Variants in OPCML observed in about 807,000 individuals in gnomAD.
The protein encoded by OPCML is opioid binding protein/cell adhesion molecule like, also known as opioid-binding protein/cell adhesion molecule.
In OPCML, 13 loss-of-function variants were observed where a neutral mutation model predicts 37.8. The observed-to-expected ratio is 0.34, with a 90% CI of 0.22 to 0.55. The LOEUF is 0.55. OPCML is among the 20% of genes least tolerant of loss of function. The pLI is 0.91. For synonymous variants in OPCML, 176 were observed against 168.8 expected, an observed-to-expected ratio of 1.04 and a Z score of -0.33; for missense variants, 341 against 435.6, an observed-to-expected ratio of 0.78 and a Z score of 1.93.
At chr11:132,684,938 T>A (rs117954958) in intron 2 of OPCML, among the ~76,000 whole-genome samples, 1 of 152,240 alleles carries the variant, frequency 6.6e-6, no homozygotes. Flanking sequence ...TATTTAAAAG[T>A]CAGCATCTCT....
chr11:132,967,721 T>C (rs1415400419), intron 1 of OPCML, among the ~76,000 whole-genome samples: 1 of 152,216 alleles, frequency 6.6e-6, no homozygotes, highest in Non-Finnish European at 1.5e-5. Flanking sequence ...TAATTACTTT[T>C]ATCAGTAATA....
chr11:133,474,836 G>A (rs1475754194), intron 1 of OPCML, among the ~76,000 whole-genome samples: 1 of 152,196 alleles, frequency 6.6e-6, no homozygotes, highest in Non-Finnish European at 1.5e-5. Flanking sequence ...CGGATGTGCT[G>A]GGGCACTGGC....
In OPCML at chr11:132,884,888, A is replaced by G. The variant is rs141635936; in HGVS notation, c.146+58038T>C. 5.4e-3 allele frequency among the ~76,000 whole-genome samples: 819 copies of G among 152,360 alleles called. 11 individuals carry two copies. Among genetic ancestry groups the G allele is most frequent in the African/African-American group, 0.019 (780 of 41,584 alleles). ...ATCATTTAAAAAACTATGGTTTCCCATAGGAGACCGTTGCCAAAAATAAAA... is the reference window on the plus strand; with the variant it reads ...ATCATTTAAAAAACTATGGTTTCCCGTAGGAGACCGTTGCCAAAAATAAAA... On this transcript the variant is annotated intron_variant, in intron 2 of 7. Transcript: ENST00000524381.
At chr11:132,630,442 C>T (rs1292401730) in intron 3 of OPCML, among the ~76,000 whole-genome samples, 1 of 152,070 alleles carries the variant, frequency 6.6e-6, no homozygotes, top group Admixed American at 6.6e-5. Context: ...CCTGTAACCC[C>T]ATTAAAACTG....
At chr11:133,310,960 T>C (rs1943054562) in intron 1 of OPCML, among the ~76,000 whole-genome samples, 1 of 152,216 alleles carries the variant, frequency 6.6e-6, no homozygotes, top group African/African-American at 2.4e-5. Flanking sequence ...CCCCATAACA[T>C]TGCACTATTT....
At chr11:133,283,440 CT>C (rs1240855504) in intron 1 of OPCML, among the ~76,000 whole-genome samples, 1 of 151,720 alleles carries the variant, frequency 6.6e-6, no homozygotes, top group African/African-American at 2.4e-5. Context: ...GCTTAGCTCT[CT>C]GCTGTGATTA....
At chr11:132,571,632 A>G (rs535846501) in intron 3 of OPCML, among the ~76,000 whole-genome samples, 1 of 152,292 alleles carries the variant, frequency 6.6e-6, no homozygotes, top group South Asian at 2.1e-4. Flanking sequence ...GTACTATTCT[A>G]TCATACACAT....
At chr11:132,980,809 G>A (rs543145189) in intron 1 of OPCML, among the ~76,000 whole-genome samples, 22 of 152,218 alleles carry the variant, frequency 1.4e-4, no homozygotes, top group African/African-American at 5.3e-4. Context: ...ATTTCCCTGT[G>A]GGCAAAAAGG....
chr11:133,053,305 T>G (rs1439953256), intron 1 of OPCML, among the ~76,000 whole-genome samples: 1 of 152,232 alleles, frequency 6.6e-6, no homozygotes, highest in Non-Finnish European at 1.5e-5. Flanking sequence ...GCATTGTGAT[T>G]ATGATGATCA....
At chr11:133,368,793 G>A (rs7935141) in intron 1 of OPCML, among the ~76,000 whole-genome samples, 3 of 152,226 alleles carry the variant, frequency 2.0e-5, no homozygotes, top group Admixed American at 6.5e-5. Context: ...CTCCACTTAG[G>A]ATAGGAGCCA....
At chr11:133,403,120 T>G (rs1945443982) in intron 1 of OPCML, among the ~76,000 whole-genome samples, 1 of 152,212 alleles carries the variant, frequency 6.6e-6, no homozygotes, top group Non-Finnish European at 1.5e-5. Flanking sequence ...TTAGATTACT[T>G]AAGTACAAAT....
intron 2 of OPCML, among the ~76,000 whole-genome samples, chr11:132,678,964 G>T (rs1006276761): frequency 6.6e-6 from 1 of 152,110 alleles, no homozygotes; most frequent in Non-Finnish European, 1.5e-5. Flanking sequence ...GGGAGGCTCT[G>T]GGGGAGAGCA....
chr11:132,773,619 G>A (rs906784846), intron 2 of OPCML, among the ~76,000 whole-genome samples: 9 of 152,094 alleles, frequency 5.9e-5, no homozygotes, highest in South Asian at 4.2e-4. Flanking sequence ...GCTTTGTATC[G>A]AAAACTGTGC....
chr11:132,983,836 T>C, intron 1 of OPCML, among the ~76,000 whole-genome samples: 1 of 152,230 alleles, frequency 6.6e-6, no homozygotes, highest in Non-Finnish European at 1.5e-5. Flanking sequence ...GTTAATGGCC[T>C]ATTAACATTC....
chr11:133,341,510 A>G (rs1943869329), intron 1 of OPCML, among the ~76,000 whole-genome samples: 1 of 152,208 alleles, frequency 6.6e-6, no homozygotes, highest in South Asian at 2.1e-4. Context: ...TGAAAACACA[A>G]TGCTCAGCTG....
At chr11:133,140,531 T>TAATAATAAGAATAAGAAG in intron 1 of OPCML, among the ~76,000 whole-genome samples, 1 of 88,086 alleles carries the variant, frequency 1.1e-5, no homozygotes, top group Non-Finnish European at 2.2e-5. Context: ...ATAATAATAA[T>TAATAATAAGAATAAGAAG]AAGAAGAAGA....
At chr11:133,135,031 A>C (rs759336981) in intron 1 of OPCML, among the ~76,000 whole-genome samples, 10 of 152,184 alleles carry the variant, frequency 6.6e-5, no homozygotes, top group Non-Finnish European at 1.3e-4. Flanking sequence ...TTCATTTTAG[A>C]ATCAAGAGCA....
chr11:132,642,700 G>T (rs1940923383), intron 3 of OPCML, among the ~76,000 whole-genome samples: 1 of 152,272 alleles, frequency 6.6e-6, no homozygotes, highest in Middle Eastern at 3.4e-3. Context: ...GCACCTTAAT[G>T]CCCAACCTCA....
At chr11:132,755,402 T>C (rs1186113879) in intron 2 of OPCML, among the ~76,000 whole-genome samples, 1 of 152,168 alleles carries the variant, frequency 6.6e-6, no homozygotes, top group Non-Finnish European at 1.5e-5. Context: ...CTGACAGATA[T>C]TCAAATTTCT....
Sources: gnomAD v4.1 joint callset for allele counts (sites outside exome capture counted in the v4.1 genomes callset) on GRCh38, gnomAD v4.1.1 for gene constraint, MANE v1.5 for transcripts, NCBI Gene and HGNC (gene_info 2026-07-23, HGNC 2026-07-21) for gene names.